Variants in CARS2 observed in about 807,000 individuals in gnomAD.
CARS2 encodes the protein cysteinyl-tRNA synthetase 2, mitochondrial.
Under a neutral mutation model 68.8 loss-of-function variants are expected in CARS2, and 52 were observed. That is an observed-to-expected ratio of 0.76 (90% CI 0.61 to 0.95). The LOEUF is 0.95. Among genes scored for constraint, CARS2 ranks in the 40% least tolerant of loss-of-function variants. CARS2 has a pLI of 0.00. For synonymous variants in CARS2, 314 were observed against 303.6 expected (o/e 1.03, Z -0.36); for missense variants, 780 against 754.2 (o/e 1.03, Z -0.40).
At position 110,676,224 on chromosome 13, in the gene CARS2, G is replaced by A. The variant is rs1450848512; in HGVS notation, c.785+750C>T. 6.6e-6 allele frequency among the ~76,000 whole-genome samples: 1 copy of A among 152,216 alleles called. No individual in the cohort carries two copies. Among genetic ancestry groups the A allele is most frequent in the African/African-American group, 2.4e-5 (1 of 41,458 alleles). On this transcript the variant is annotated intron_variant, in intron 7 of 14. Transcript: ENST00000257347. The surrounding 1 kb of genome is among the most constrained non-coding windows in gnomAD (Gnocchi z 4.0). ...TGGGCAGCTGTGCAGCACGGGGCAC[G>A]GGCGGTATGCTGTCTTTCACACACC...
At chr13:110,712,807 C>G in intron 1 of CARS2, 1 of 791,514 alleles carries the variant, frequency 1.3e-6, no homozygotes, top group Non-Finnish European at 2.1e-6. Flanking sequence ...TCGGGCCTAT[C>G]CACCTCTTCT....
chr13:110,655,587 G>A (rs1408244132), intron 9 of CARS2, among the ~76,000 whole-genome samples: 1 of 152,210 alleles, frequency 6.6e-6, no homozygotes, highest in Non-Finnish European at 1.5e-5. Flanking sequence ...CACCTGCTCC[G>A]AGAAAACTAA....
At chr13:110,642,014 C>T (rs1247629553) in intron 14 of CARS2, among the ~76,000 whole-genome samples, 1 of 152,120 alleles carries the variant, frequency 6.6e-6, no homozygotes, top group African/African-American at 2.4e-5. Context: ...CCAGCCTGAC[C>T]CACGTGGAGA....
exon 1 of CARS2, chr13:110,713,447 T>G: frequency 1.0e-6 from 1 of 993,152 alleles, no homozygotes; most frequent in Non-Finnish European, 1.2e-6. Flanking sequence ...CCTAGTAAAG[T>G]TTGCGCCTCG....
intron 1 of CARS2, among the ~76,000 whole-genome samples, chr13:110,711,570 A>G (rs2064028514): frequency 6.6e-6 from 1 of 152,236 alleles, no homozygotes; most frequent in Non-Finnish European, 1.5e-5. Context: ...TGTAGAAACT[A>G]AAGTACTCAT....
At chr13:110,669,403 C>T (rs1269622758) in intron 7 of CARS2, among the ~76,000 whole-genome samples, 1 of 152,142 alleles carries the variant, frequency 6.6e-6, no homozygotes, top group African/African-American at 2.4e-5. Context: ...ACAAAGCCCA[C>T]AGGTTTCGAG....
At chr13:110,696,101 A>G (rs2063616096) in intron 3 of CARS2, among the ~76,000 whole-genome samples, 2 of 152,158 alleles carry the variant, frequency 1.3e-5, no homozygotes, top group South Asian at 4.1e-4. Context: ...CCTGCAGAAG[A>G]CATGAACCCA....
chr13:110,686,369 A>C (rs1236358209), intron 5 of CARS2, among the ~76,000 whole-genome samples: 1 of 151,362 alleles, frequency 6.6e-6, no homozygotes, highest in East Asian at 1.9e-4. Flanking sequence ...CGGCCTCCTG[A>C]GTAGCTGAGA....
intron 3 of CARS2, among the ~76,000 whole-genome samples, chr13:110,700,157 A>G (rs918585475): frequency 3.3e-5 from 5 of 152,212 alleles, no homozygotes; most frequent in Admixed American, 3.3e-4. Flanking sequence ...CATCCAATGA[A>G]CCTGAGTGGA....
chr13:110,681,476 G>A (rs1213070189), intron 6 of CARS2, among the ~76,000 whole-genome samples: 1 of 152,092 alleles, frequency 6.6e-6, no homozygotes, highest in African/African-American at 2.4e-5. Context: ...GATGTGGAAC[G>A]ACAGGGACTT....
chr13:110,649,923 GA>G (rs1268615127), intron 10 of CARS2, among the ~76,000 whole-genome samples: 1 of 134,640 alleles, frequency 7.4e-6, no homozygotes, highest in Non-Finnish European at 1.6e-5. Flanking sequence ...TGCAGCTCTG[GA>G]TAACGACTTT....
At chr13:110,663,035 C>T (rs1240336307) in intron 9 of CARS2, 14 of 460,152 alleles carry the variant, frequency 3.0e-5, no homozygotes, top group Non-Finnish European at 5.2e-5. Context: ...GGTTAAGGAT[C>T]CAGCCAGCTC....
At chr13:110,713,453 C>T in exon 1 of CARS2, 5 of 991,528 alleles carry the variant, frequency 5.0e-6, no homozygotes, top group Non-Finnish European at 6.0e-6. Flanking sequence ...AAAGTTTGCG[C>T]CTCGCCCGCC....
chr13:110,703,530 T>A (rs2063853325), intron 2 of CARS2, among the ~76,000 whole-genome samples: 1 of 152,216 alleles, frequency 6.6e-6, no homozygotes, highest in Non-Finnish European at 1.5e-5. Flanking sequence ...TCTGTAGTCA[T>A]AAAGGTAAAT....
intron 3 of CARS2, among the ~76,000 whole-genome samples, chr13:110,694,701 G>C (rs1399537265): frequency 2.0e-5 from 3 of 152,088 alleles, no homozygotes; most frequent in Admixed American, 6.5e-5. Context: ...TCTTACCCCA[G>C]ATTTGTTTAA....
At chr13:110,642,040 AAAAAT>A (rs1887399547) in intron 14 of CARS2, among the ~76,000 whole-genome samples, 1 of 152,138 alleles carries the variant, frequency 6.6e-6, no homozygotes. Context: ...TGTCTCTACT[AAAAAT>A]AAAAAATCAG....
At chr13:110,678,452 A>G (rs2063037589) in intron 6 of CARS2, among the ~76,000 whole-genome samples, 1 of 152,202 alleles carries the variant, frequency 6.6e-6, no homozygotes, top group South Asian at 2.1e-4. Context: ...GCACTGACAC[A>G]GGCGTCCATC....
intron 7 of CARS2, among the ~76,000 whole-genome samples, chr13:110,675,114 T>A (rs1486229566): frequency 6.6e-6 from 1 of 152,214 alleles, no homozygotes; most frequent in Admixed American, 6.5e-5. Flanking sequence ...TTGGTGGGAC[T>A]GTAAACTAGT....
intron 7 of CARS2, among the ~76,000 whole-genome samples, chr13:110,673,821 T>C: frequency 6.6e-6 from 1 of 152,092 alleles, no homozygotes; most frequent in African/African-American, 2.4e-5. Context: ...AACCCCATCA[T>C]CTCAGCCCAA....
Sources: gnomAD v4.1 joint callset for allele counts (sites outside exome capture counted in the v4.1 genomes callset) on GRCh38, gnomAD v4.1.1 for gene constraint, Gnocchi (gnomAD v3.1) non-coding constraint, MANE v1.5 for transcripts, NCBI Gene and HGNC (gene_info 2026-07-23, HGNC 2026-07-21) for gene names.